Variants in CHCHD3 observed in about 807,000 individuals in gnomAD.
CHCHD3 encodes coiled-coil-helix-coiled-coil-helix domain containing 3, also known as MICOS complex subunit MIC19.
Under a neutral mutation model 38.2 loss-of-function variants are expected in CHCHD3, and 20 were observed. The observed-to-expected ratio is 0.52, with a 90% confidence interval of 0.37 to 0.76. The LOEUF (loss-of-function observed/expected upper bound fraction) is 0.76, where lower values mean the gene tolerates loss of function less well. CHCHD3 is among the 30% of genes least tolerant of loss of function. CHCHD3 has a pLI of 0.00. For synonymous variants in CHCHD3, 82 were observed against 100.0 expected (o/e 0.82, Z 1.07); for missense variants, 245 against 279.2 (o/e 0.88, Z 0.87).
chr7:132,822,995 C>G (rs1195986432), intron 6 of CHCHD3, among the ~76,000 whole-genome samples: 5 of 152,016 alleles, frequency 3.3e-5, no homozygotes, highest in African/African-American at 1.2e-4. Flanking sequence ...GGGATGTATC[C>G]ATAATAAATA....
chr7:132,946,941 G>A (rs1006654541), intron 4 of CHCHD3, among the ~76,000 whole-genome samples: 7 of 151,822 alleles, frequency 4.6e-5, no homozygotes, highest in South Asian at 2.1e-4. Context: ...GCTGAGCTTC[G>A]ACAGTTGTCT....
At chr7:132,980,571 G>C (rs1811892149) in intron 3 of CHCHD3, among the ~76,000 whole-genome samples, 1 of 152,138 alleles carries the variant, frequency 6.6e-6, no homozygotes, top group African/African-American at 2.4e-5. Context: ...TAATTGGATA[G>C]CTTGCCTAAG....
At chr7:132,956,711 G>A (rs547391790) in intron 4 of CHCHD3, among the ~76,000 whole-genome samples, 98 of 152,260 alleles carry the variant, frequency 6.4e-4, no homozygotes, top group Non-Finnish European at 1.1e-3. Context: ...TGTAACAGTC[G>A]TCTTGAAGAT....
chr7:133,009,107 T>C (rs1156824283), intron 3 of CHCHD3, among the ~76,000 whole-genome samples: 1 of 151,888 alleles, frequency 6.6e-6, no homozygotes, highest in Non-Finnish European at 1.5e-5. Context: ...CTCACACCTG[T>C]AATCCCAGCA....
At chr7:132,866,199 T>C (rs1808621582) in intron 5 of CHCHD3, among the ~76,000 whole-genome samples, 1 of 152,212 alleles carries the variant, frequency 6.6e-6, no homozygotes, top group Non-Finnish European at 1.5e-5. Flanking sequence ...AGCCCCTTTC[T>C]GGCTAATGCA....
At chr7:133,013,713 C>A (rs575898987) in intron 3 of CHCHD3, among the ~76,000 whole-genome samples, 1 of 151,902 alleles carries the variant, frequency 6.6e-6, no homozygotes, top group African/African-American at 2.4e-5. Flanking sequence ...ATATAACATG[C>A]TCATTTTGTT....
intron 6 of CHCHD3, among the ~76,000 whole-genome samples, chr7:132,827,991 A>G (rs975304468): frequency 3.9e-5 from 6 of 152,144 alleles, no homozygotes; most frequent in Admixed American, 2.0e-4. Context: ...TGAGTGGAAT[A>G]CTGTCTGTTT....
At chr7:133,011,802 A>C (rs1043296480) in intron 3 of CHCHD3, among the ~76,000 whole-genome samples, 1 of 152,218 alleles carries the variant, frequency 6.6e-6, no homozygotes, top group Admixed American at 6.5e-5. Context: ...AAAAATCTTT[A>C]AAAAATTATT....
At chr7:132,817,030 G>A (rs549052748) in intron 6 of CHCHD3, among the ~76,000 whole-genome samples, 92 of 152,264 alleles carry the variant, frequency 6.0e-4, no homozygotes, top group African/African-American at 2.1e-3. Context: ...GACACAAAGG[G>A]CATCCCTGTC....
chr7:133,016,779 C>G (rs1163795592), intron 3 of CHCHD3, among the ~76,000 whole-genome samples: 1 of 152,206 alleles, frequency 6.6e-6, no homozygotes, highest in African/African-American at 2.4e-5. Context: ...ACCTCACACT[C>G]TTCTCCAGTG....
chr7:132,922,137 G>A (rs1810277064), intron 4 of CHCHD3, among the ~76,000 whole-genome samples: 1 of 152,168 alleles, frequency 6.6e-6, no homozygotes, highest in Non-Finnish European at 1.5e-5. Context: ...TTGGTAGGCA[G>A]GAGGTAGGAC....
chr7:132,852,451 T>C (rs1487698493), intron 5 of CHCHD3, among the ~76,000 whole-genome samples: 1 of 152,220 alleles, frequency 6.6e-6, no homozygotes, highest in African/African-American at 2.4e-5. Flanking sequence ...TCCAACCTAG[T>C]GTTTCTCAAA....
rs200114891 is a variant in CHCHD3, at chr7:132,983,743, G to GA, written c.252-8458dup. On this transcript the variant is annotated intron_variant, in intron 3 of 7. Transcript: ENST00000262570. The stretch of plus-strand genomic sequence containing the variant: ...GCAGAGAAAAGTCATGACATTAGAG[G>GA]AAAAAAAAGTTGAATTGCTTGGTAA... Among the ~76,000 whole-genome samples the GA allele has an allele frequency of 9.4e-4, 143 of 151,782 alleles. No individual in the cohort carries two copies. The East Asian group carries it at 0.027, about 28-fold the overall frequency.
chr7:132,953,121 T>G (rs1490732183), intron 4 of CHCHD3, among the ~76,000 whole-genome samples: 1 of 152,126 alleles, frequency 6.6e-6, no homozygotes, highest in Non-Finnish European at 1.5e-5. Context: ...AATTCCTCAG[T>G]GATAGCTAGT....
rs1218271054 is a variant in CHCHD3 at position 132,984,919 on chromosome 7, C to T, written c.252-9633G>A. Reference sequence around the variant, plus strand: ...GAGGTGGGGGGGTCAGCCCCCCGCCCGGCCAGCCGCCCCGTCCGGGAGGTG... The same window carrying T: ...GAGGTGGGGGGGTCAGCCCCCCGCCTGGCCAGCCGCCCCGTCCGGGAGGTG... On this transcript the variant is annotated intron_variant, in intron 3 of 7. Transcript: ENST00000262570. Among the ~76,000 whole-genome samples, 38 of 91,368 alleles carry T rather than the reference C, an allele frequency of 4.2e-4. 5 individuals carry two copies. The East Asian group carries it at 0.013, about 32-fold the overall frequency. 59.9% of individuals were successfully genotyped at this position (91,368 alleles called of 152,430 possible).
intron 4 of CHCHD3, among the ~76,000 whole-genome samples, chr7:132,930,454 C>T (rs1810487855): frequency 6.6e-6 from 1 of 152,198 alleles, no homozygotes; most frequent in Non-Finnish European, 1.5e-5. Flanking sequence ...CAGGCGTGAG[C>T]CACTGCACCT....
chr7:132,791,471 T>C (rs2117021609), intron 7 of CHCHD3, among the ~76,000 whole-genome samples: 1 of 152,368 alleles, frequency 6.6e-6, no homozygotes, highest in South Asian at 2.1e-4. Context: ...TATTAAATCA[T>C]TTGCATCTAA....
At chr7:132,868,588 G>A (rs1271590834) in intron 5 of CHCHD3, among the ~76,000 whole-genome samples, 1 of 151,976 alleles carries the variant, frequency 6.6e-6, no homozygotes, top group Non-Finnish European at 1.5e-5. Context: ...TGCATAAGTT[G>A]CACAAAATGA....
chr7:132,835,985 C>A (rs759719451), intron 6 of CHCHD3, among the ~76,000 whole-genome samples: 15 of 152,314 alleles, frequency 9.8e-5, no homozygotes, highest in Non-Finnish European at 1.2e-4. Flanking sequence ...CCAGCCCTGG[C>A]GTCACCTTGA....
Sources: gnomAD v4.1 joint callset for allele counts (sites outside exome capture counted in the v4.1 genomes callset) on GRCh38, gnomAD v4.1.1 for gene constraint, MANE v1.5 for transcripts, NCBI Gene and HGNC (gene_info 2026-07-23, HGNC 2026-07-21) for gene names.